The following MATR3 variants were observed in gnomAD, a reference collection of about 807,000 sequenced individuals.
The protein encoded by MATR3 is matrin 3.
MATR3 carries 4 observed loss-of-function variants against 85.5 expected under a neutral mutation model. The observed-to-expected ratio is 0.05, with a 90% CI of 0.02 to 0.11. The LOEUF (loss-of-function observed/expected upper bound fraction) is 0.11. Among genes scored for constraint, MATR3 ranks in the 10% least tolerant of loss-of-function variants. The probability of loss-of-function intolerance (pLI) is 1.00; values close to 1 mark genes in which losing one functional copy is unlikely to be tolerated. For synonymous variants in MATR3, 336 were observed against 343.1 expected (o/e 0.98, Z 0.23); for missense variants, 685 against 1,016.1 (o/e 0.67, Z 4.43).
chr5:139,324,683 T>C (rs1329017119), intron 12 of MATR3, among the ~76,000 whole-genome samples: 3 of 152,198 alleles, frequency 2.0e-5, no homozygotes, highest in Non-Finnish European at 2.9e-5. Context: ...AGGATATTGC[T>C]CAACTTTTAC....
intron 3 of MATR3, 103 bp downstream of exon 3, chr5:139,314,839 A>T: frequency 2.0e-6 from 2 of 1,001,686 alleles, no homozygotes; most frequent in Non-Finnish European, 3.1e-6. Context: ...CACAATGTTA[A>T]TATCACATAG....
rs1326200113 is a variant in MATR3, at chr5:139,307,013, A to T, written c.-177-226A>T. Among the ~76,000 whole-genome samples the T allele has an allele frequency of 1.3e-5, 2 of 152,176 alleles. No homozygotes were observed. Among genetic ancestry groups the T allele is most frequent in the African/African-American group, 4.8e-5 (2 of 41,458 alleles). ...TACATGTTTTTAAACTCAGTATGAA[A>T]GTCCCTTTAATAGTTAAGCTTTAGC... On this transcript the variant is annotated intron_variant, in intron 1 of 14. Coordinates refer to ENST00000394805, the MANE Select transcript of MATR3 (RefSeq NM_018834.6). The surrounding 1 kb of genome is among the most constrained non-coding windows in gnomAD (Gnocchi z 4.4).
chr5:139,312,613 C>T (rs748362955), intron 2 of MATR3: 1 of 152,140 alleles, frequency 6.6e-6, no homozygotes, highest in Non-Finnish European at 1.5e-5. Flanking sequence ...AGGTACCATT[C>T]TATTTGGATG....
intron 1 of MATR3, chr5:139,294,530 A>C (rs994394194): frequency 2.6e-5 from 4 of 151,510 alleles, no homozygotes; most frequent in East Asian, 2.0e-4. Context: ...CCCGCCCCCC[A>C]TCGCGTAAAA....
chr5:139,326,328 G>A (rs372561451), intron 14 of MATR3, 44 bp downstream of exon 14: 1 of 1,598,804 alleles, frequency 6.3e-7, no homozygotes, highest in Non-Finnish European at 8.6e-7. Flanking sequence ...AACTTAACAA[G>A]TTATGGAAAT....
At chr5:139,278,666 G>C in intron 2 of MATR3, 1 of 395,540 alleles carries the variant, frequency 2.5e-6, no homozygotes, top group Non-Finnish European at 5.2e-6. Context: ...TTGACAACAG[G>C]GTCTGCAATT....
intron 1 of MATR3, among the ~76,000 whole-genome samples, chr5:139,301,446 A>G (rs1754435546): frequency 1.3e-5 from 2 of 151,974 alleles, no homozygotes; most frequent in South Asian, 2.1e-4. Flanking sequence ...CAGCCTCCCA[A>G]GTAGCTGGGA....
chr5:139,323,093 C>A, intron 12 of MATR3, 126 bp downstream of exon 12: 1 of 957,924 alleles, frequency 1.0e-6, no homozygotes, highest in Non-Finnish European at 1.5e-6. Context: ...AGATATGAAC[C>A]AGAATATAAA....
chr5:139,294,903 T>C (rs1177471048), intron 1 of MATR3: 2 of 152,200 alleles, frequency 1.3e-5, no homozygotes, highest in Non-Finnish European at 2.9e-5. Context: ...AGTTACAGTT[T>C]TTTAGCCAGA....
At chr5:139,281,363 T>G (rs1010379797) in intron 3 of MATR3, among the ~76,000 whole-genome samples, 15 of 147,452 alleles carry the variant, frequency 1.0e-4, no homozygotes, top group South Asian at 2.2e-4. Context: ...TTTGTTTTTT[T>G]TTTTTTTTTT....
In MATR3 at chr5:139,330,819, A is replaced by G. The variant is rs1756105569; in HGVS notation, c.*1424A>G. 1 of 453,944 alleles carries G rather than the reference A, an allele frequency of 2.2e-6. No individual in the cohort carries two copies. Among genetic ancestry groups the G allele is most frequent in the Admixed American group, 2.4e-5 (1 of 42,526 alleles). 28.1% of individuals were successfully genotyped at this position (453,944 alleles called of 1,614,324 possible). A position where few individuals can be genotyped will look rare whatever the true frequency, so the allele number is the denominator to read the frequency against. The stretch of plus-strand genomic sequence containing the variant: ...AAACAATTTTTTTTTCTTCCCTGAC[A>G]CAGGGTCTCACTCTGTCACCCAGAC... On this transcript the variant is annotated 3_prime_UTR_variant, in exon 15 of 15. Coordinates refer to ENST00000394805, the MANE Select transcript of MATR3 (RefSeq NM_018834.6).
At chr5:139,274,634 T>G (rs1457362195) in intron 1 of MATR3, among the ~76,000 whole-genome samples, 1 of 152,134 alleles carries the variant, frequency 6.6e-6, no homozygotes, top group South Asian at 2.1e-4. Context: ...TAGCCTTACA[T>G]AAATTATAAT....
rs991876703 is a variant in MATR3, at chr5:139,329,990, A to T, written c.*595A>T. 1 of 452,622 alleles carries T rather than the reference A, an allele frequency of 2.2e-6. No individual in the cohort carries two copies. The highest frequency in any genetic ancestry group is 4.4e-6 in the Non-Finnish European group (1 of 225,826). 28.0% of individuals were successfully genotyped at this position (452,622 alleles called of 1,614,324 possible). ...TAAGTAATTGGCTTTAGATTTTGTA[A>T]TTTTTTTCCCTGAGTTCCTGCTAGA... On this transcript the variant is annotated 3_prime_UTR_variant, in exon 15 of 15. Coordinates refer to ENST00000394805, the MANE Select transcript of MATR3 (RefSeq NM_018834.6).
In MATR3 at chr5:139,316,191, A is replaced by C. The variant is rs1561938285; in HGVS notation, c.1129+3A>C. 1.9e-6 allele frequency: 3 copies of C among 1,544,304 alleles called. No homozygotes were observed. Among genetic ancestry groups the C allele is most frequent in the African/African-American group, 2.7e-5 (2 of 74,194 alleles). ...AGTTGGACCAAGAGGAAATCTGGGT[A>C]ATTATATAAAATTCATGTTACTTTT... On this transcript the variant is annotated splice_donor_region_variant and intron_variant, in intron 5 of 14. Transcript: ENST00000394805.
chr5:139,294,239 T>TG (rs1394509566), intron 1 of MATR3: 2 of 413,860 alleles, frequency 4.8e-6, no homozygotes, highest in African/African-American at 2.0e-5. Flanking sequence ...GACTGTACAC[T>TG]GGGGGCTTGC....
intron 1 of MATR3, among the ~76,000 whole-genome samples, chr5:139,297,185 A>G (rs1183345419): frequency 1.3e-5 from 2 of 152,182 alleles, no homozygotes; most frequent in Non-Finnish European, 2.9e-5. Flanking sequence ...CTCAAAAAAA[A>G]GTAAAGTGGA....
At chr5:139,317,548 T>C (rs979113062) in intron 6 of MATR3, 48 bp from the exon 7 acceptor site, 31 of 1,601,528 alleles carry the variant, frequency 1.9e-5, no homozygotes, top group Non-Finnish European at 2.5e-5. Flanking sequence ...TGGTTTCATA[T>C]TGCTTTAAAG....
intron 1 of MATR3, among the ~76,000 whole-genome samples, chr5:139,299,307 G>A (rs59442457): frequency 0.019 from 2,847 of 152,268 alleles, 100 homozygotes; most frequent in African/African-American, 0.065. Context: ...AGACGTTTCT[G>A]TAAGGTGTTT....
At chr5:139,285,682 G>T (rs1046461886) in intron 3 of MATR3, among the ~76,000 whole-genome samples, 5 of 151,982 alleles carry the variant, frequency 3.3e-5, no homozygotes, top group Admixed American at 1.3e-4. Context: ...TCAAAAAAAA[G>T]AATTAAATGA....
Sources: allele counts gnomAD v4.1 joint callset (sites outside exome capture counted in the v4.1 genomes callset), GRCh38; gene constraint gnomAD v4.1.1; non-coding constraint Gnocchi (gnomAD v3.1); transcripts MANE v1.5; gene names NCBI Gene and HGNC (gene_info 2026-07-23, HGNC 2026-07-21).